USP33: variants seen among roughly 807,000 people sequenced by gnomAD.
The protein encoded by USP33 is ubiquitin specific peptidase 33.
USP33 carries 46 observed loss-of-function variants against 124.2 expected under a neutral mutation model. That is an observed-to-expected ratio of 0.37 (90% CI 0.29 to 0.47). The LOEUF (loss-of-function observed/expected upper bound fraction) is 0.47, where lower values mean the gene tolerates loss of function less well. USP33 is among the 20% of genes least tolerant of loss of function. The probability of loss-of-function intolerance (pLI) is 0.99; values close to 1 mark genes in which losing one functional copy is unlikely to be tolerated. For synonymous variants in USP33, 350 were observed against 352.3 expected, an observed-to-expected ratio of 0.99 and a Z score of 0.07; for missense variants, 851 against 1,070.6, an observed-to-expected ratio of 0.79 and a Z score of 2.86.
chr1:77,739,173 A>G, intron 5 of USP33, 92 bp downstream of exon 5: 1 of 1,447,698 alleles, frequency 6.9e-7, no homozygotes, highest in Non-Finnish European at 9.4e-7. Context: ...CAGGTTAGGC[A>G]GTATTCCTTT....
intron 10 of USP33, among the ~76,000 whole-genome samples, chr1:77,727,297 A>G (rs919013608): frequency 3.3e-5 from 5 of 152,188 alleles, no homozygotes; most frequent in African/African-American, 1.2e-4. Context: ...CCTTGTTACT[A>G]TGTGTAAGAA....
At chr1:77,704,114 C>CAA (rs58081679) in intron 21 of USP33, among the ~76,000 whole-genome samples, 15 of 117,422 alleles carry the variant, frequency 1.3e-4, no homozygotes, top group South Asian at 2.6e-4. Context: ...CAACTTGTCT[C>CAA]AAAAAAAAAA....
intron 21 of USP33, among the ~76,000 whole-genome samples, chr1:77,707,437 C>T (rs1674755260): frequency 6.6e-6 from 1 of 152,130 alleles, no homozygotes; most frequent in Non-Finnish European, 1.5e-5. Flanking sequence ...GGATTTAGGG[C>T]CCATTCAGAC....
intron 10 of USP33, among the ~76,000 whole-genome samples, chr1:77,727,142 G>C (rs1216200933): frequency 1.3e-5 from 2 of 152,240 alleles, no homozygotes; most frequent in African/African-American, 4.8e-5. Flanking sequence ...AAGTTAATGA[G>C]ATTTAGATGG....
chr1:77,708,679 G>T (rs1447340871), intron 21 of USP33, among the ~76,000 whole-genome samples: 4 of 152,174 alleles, frequency 2.6e-5, no homozygotes, highest in Admixed American at 1.3e-4. Context: ...AGAATAAGTT[G>T]CTGAACAGAT....
chr1:77,759,315 G>A (rs988450510), intron 1 of USP33: 4 of 329,500 alleles, frequency 1.2e-5, no homozygotes, highest in Admixed American at 9.7e-5. Flanking sequence ...GGAGACCGAG[G>A]AAGGGAGCAG....
At chr1:77,713,085 G>T (rs1675450634) in intron 20 of USP33, 115 bp downstream of exon 20, 2 of 797,478 alleles carry the variant, frequency 2.5e-6, no homozygotes, top group South Asian at 3.5e-5. Context: ...GAATGAATAA[G>T]TAAGGGAAAA....
intron 1 of USP33, among the ~76,000 whole-genome samples, chr1:77,755,616 T>C (rs1469805580): frequency 1.3e-5 from 2 of 152,214 alleles, no homozygotes; most frequent in Non-Finnish European, 2.9e-5. Context: ...GAGAACTGCT[T>C]GAACGCAGGA....
At chr1:77,752,283 A>C (rs1680412118) in intron 1 of USP33, among the ~76,000 whole-genome samples, 1 of 152,010 alleles carries the variant, frequency 6.6e-6, no homozygotes, top group Non-Finnish European at 1.5e-5. Flanking sequence ...GATTACAAGC[A>C]TGTGTCACCA....
chr1:77,734,671 G>C (rs543840958), intron 6 of USP33, among the ~76,000 whole-genome samples: 67 of 152,236 alleles, frequency 4.4e-4, no homozygotes, highest in Non-Finnish European at 5.3e-4. Flanking sequence ...TAACATTTAA[G>C]ACTACGTGTT....
chr1:77,758,507 A>G (rs1270837406), intron 1 of USP33, among the ~76,000 whole-genome samples: 2 of 152,158 alleles, frequency 1.3e-5, no homozygotes, highest in Non-Finnish European at 2.9e-5. Flanking sequence ...AAAGTAATGA[A>G]ATAATACAAA....
At chr1:77,749,048 T>C (rs903655696) in intron 1 of USP33, among the ~76,000 whole-genome samples, 6 of 152,220 alleles carry the variant, frequency 3.9e-5, no homozygotes, top group African/African-American at 1.4e-4. Context: ...GGGTCAATTT[T>C]ACTCATTGAC....
chr1:77,747,540 G>A (rs1368531564), intron 1 of USP33, among the ~76,000 whole-genome samples: 1 of 152,088 alleles, frequency 6.6e-6, no homozygotes, highest in African/African-American at 2.4e-5. Context: ...TTATAAGCAT[G>A]AGCCACTGCA....
Position 77,759,839 on chromosome 1 carries a change from C to A in USP33, c.-248G>T, listed in dbSNP as rs1224508161. The A allele has an allele frequency of 2.5e-6, 1 of 396,394 alleles. No homozygotes were observed. The highest frequency in any genetic ancestry group is 3.6e-5 in the East Asian group (1 of 27,996). The allele number at this position is 396,394 out of a possible 1,614,324, so 24.6% of individuals were successfully genotyped here. ...CCACTTCCCGCAGCAGCCGCGGCTCCTTCCGGTGTCTCCGGGGCCGCCGCA... is the reference window on the plus strand; with the variant it reads ...CCACTTCCCGCAGCAGCCGCGGCTCATTCCGGTGTCTCCGGGGCCGCCGCA... On this transcript the variant is annotated 5_prime_UTR_variant, in exon 1 of 24. In the 5' UTR this introduces an upstream ATG that the reference lacks. Coordinates refer to ENST00000370794, the MANE Select transcript of USP33 (RefSeq NM_201624.3).
At chr1:77,742,882 T>C (rs1679286427) in intron 1 of USP33, among the ~76,000 whole-genome samples, 1 of 152,056 alleles carries the variant, frequency 6.6e-6, no homozygotes, top group Non-Finnish European at 1.5e-5. Context: ...TTTGTTACCC[T>C]GTAGCTTATA....
At chr1:77,721,478 G>GAC (rs549932915) in intron 14 of USP33, 558 of 539,222 alleles carry the variant, frequency 1.0e-3, no homozygotes, top group Non-Finnish European at 1.4e-3. Flanking sequence ...CAAGGTGCTA[G>GAC]ACACACAAAA....
chr1:77,740,309 AC>A (rs1437123686), intron 4 of USP33, among the ~76,000 whole-genome samples: 11 of 151,880 alleles, frequency 7.2e-5, no homozygotes, highest in African/African-American at 2.2e-4. Flanking sequence ...TTGGGCTTCA[AC>A]CTCCTAATAT....
chr1:77,714,907 C>T (rs550426892), intron 18 of USP33, 124 bp from the exon 19 acceptor site: 1 of 981,388 alleles, frequency 1.0e-6, no homozygotes, highest in Non-Finnish European at 1.5e-6. Context: ...TTGGGAATTT[C>T]AAGAGAAATA....
At chr1:77,701,313 G>T in intron 22 of USP33, 56 bp downstream of exon 22, 1 of 1,284,318 alleles carries the variant, frequency 7.8e-7, no homozygotes. Context: ...AGAAATACTT[G>T]TCAAACAAAA....
Sources: gnomAD v4.1 joint callset for allele counts (sites outside exome capture counted in the v4.1 genomes callset) on GRCh38, gnomAD v4.1.1 for gene constraint, MANE v1.5 for transcripts, NCBI Gene and HGNC (gene_info 2026-07-23, HGNC 2026-07-21) for gene names.